Variants in PIK3C3 observed in about 807,000 individuals in gnomAD.
PIK3C3 encodes the protein phosphatidylinositol 3-kinase catalytic subunit type 3, also known as PI3-kinase type 3.
Under a neutral mutation model 126.1 loss-of-function variants are expected in PIK3C3, and 95 were observed. That is an observed-to-expected ratio of 0.75 (90% CI 0.64 to 0.89). The LOEUF is 0.89. Ranked by LOEUF, PIK3C3 falls within the 40% of genes least tolerant of loss-of-function variation. The pLI is 0.00. For missense variants in PIK3C3, 829 were observed against 1,063.2 expected (o/e 0.78, Z 3.06); for synonymous variants, 374 against 360.0 (o/e 1.04, Z -0.44).
intron 22 of PIK3C3, among the ~76,000 whole-genome samples, chr18:42,061,309 A>C (rs1369743396): frequency 6.6e-6 from 1 of 152,128 alleles, no homozygotes. Flanking sequence ...TTGGCCGGGC[A>C]GGGTGGCTCA....
At chr18:41,962,712 A>G in intron 3 of PIK3C3, 80 bp downstream of exon 3, 1 of 1,381,892 alleles carries the variant, frequency 7.2e-7, no homozygotes, top group Non-Finnish European at 9.9e-7. Flanking sequence ...GGAAGGCTTT[A>G]ATAGTTTATG....
At chr18:41,996,085 G>T in intron 8 of PIK3C3, 91 bp downstream of exon 8, 1 of 799,710 alleles carries the variant, frequency 1.3e-6, no homozygotes, top group South Asian at 1.5e-5. Context: ...AAATTATTTA[G>T]ATGCACATTT....
intron 3 of PIK3C3, among the ~76,000 whole-genome samples, chr18:41,968,129 C>T (rs574533392): frequency 1.4e-4 from 22 of 152,294 alleles, no homozygotes; most frequent in African/African-American, 5.1e-4. Flanking sequence ...CTAGATCCAT[C>T]CCAAGGCACC....
intron 18 of PIK3C3, among the ~76,000 whole-genome samples, chr18:42,039,278 CA>C (rs1453141609): frequency 6.6e-6 from 1 of 152,166 alleles, no homozygotes; most frequent in Non-Finnish European, 1.5e-5. Flanking sequence ...TACTGAGAAA[CA>C]AAATACATGC....
rs201948004 is a variant in PIK3C3, at chr18:41,987,918, T to C, written c.618+20T>C. On this transcript the variant is annotated intron_variant, in intron 5 of 24. Coordinates refer to ENST00000262039, the MANE Select transcript of PIK3C3 (RefSeq NM_002647.4). ...AATGAGGTGGGTTATATCACTCTTTTATTTTAAAATATTTTCTGTAAATTT... is the reference window on the plus strand; with the variant it reads ...AATGAGGTGGGTTATATCACTCTTTCATTTTAAAATATTTTCTGTAAATTT... 5.5e-5 allele frequency: 72 copies of C among 1,317,008 alleles called. No homozygotes were observed. Among genetic ancestry groups the C allele is most frequent in the Non-Finnish European group, 6.9e-5 (65 of 945,626 alleles). 81.6% of individuals were successfully genotyped at this position (1,317,008 alleles called of 1,614,324 possible).
chr18:42,014,765 A>G (rs755908618), intron 11 of PIK3C3, among the ~76,000 whole-genome samples: 1 of 152,038 alleles, frequency 6.6e-6, no homozygotes, highest in African/African-American at 2.4e-5. Context: ...GGATTTTTGA[A>G]TTTTTCTTTA....
chr18:42,037,769 T>TGATTTAC lies in PIK3C3; in HGVS notation c.1919_1925dup (p.Gln643PhefsTer31). 1 of 1,612,822 alleles carries TGATTTAC rather than the reference T, an allele frequency of 6.2e-7. No individual in the cohort carries two copies. Among genetic ancestry groups the TGATTTAC allele is most frequent in the Non-Finnish European group, 8.5e-7 (1 of 1,179,000 alleles). ...ATCCAGTTATATTTAAGCATGGAGA[T>TGATTTAC]GATTTACGTCAAGATCAACTTATTC... On this transcript the variant is annotated frameshift_variant, in exon 17 of 25. Transcript: ENST00000262039. LOFTEE classifies it high-confidence loss of function.
chr18:42,022,256 A>G (rs1458035838), intron 13 of PIK3C3, among the ~76,000 whole-genome samples: 2 of 152,188 alleles, frequency 1.3e-5, no homozygotes, highest in Non-Finnish European at 2.9e-5. Flanking sequence ...CATCATTAAC[A>G]TTAGGTATTT....
chr18:42,042,735 C>A (rs920534460), intron 19 of PIK3C3, among the ~76,000 whole-genome samples: 1 of 152,200 alleles, frequency 6.6e-6, no homozygotes, highest in Non-Finnish European at 1.5e-5. Flanking sequence ...TCACATTCAG[C>A]TTTACTTGAT....
intron 2 of PIK3C3, among the ~76,000 whole-genome samples, chr18:41,960,637 A>T (rs1333552004): frequency 6.6e-6 from 1 of 152,196 alleles, no homozygotes; most frequent in African/African-American, 2.4e-5. Context: ...AGGAGAACGA[A>T]GTGGTGTCCA....
At chr18:41,977,481 G>T (rs1041139751) in intron 4 of PIK3C3, among the ~76,000 whole-genome samples, 4 of 152,028 alleles carry the variant, frequency 2.6e-5, no homozygotes, top group Middle Eastern at 3.4e-3. Flanking sequence ...AGAGGAAGTG[G>T]CTATATAGAT....
At chr18:41,970,525 A>G (rs1980615190) in intron 4 of PIK3C3, 69 bp downstream of exon 4, 1 of 1,319,976 alleles carries the variant, frequency 7.6e-7, no homozygotes, top group Non-Finnish European at 1.1e-6. Context: ...ATACCTTGAC[A>G]TTATGAACTC....
At chr18:42,045,994 G>A (rs1205369388) in intron 20 of PIK3C3, among the ~76,000 whole-genome samples, 2 of 152,034 alleles carry the variant, frequency 1.3e-5, no homozygotes, top group African/African-American at 2.4e-5. Context: ...TATGTTACAG[G>A]TACATGCTTA....
intron 13 of PIK3C3, among the ~76,000 whole-genome samples, chr18:42,022,460 TG>T (rs1983371712): frequency 6.6e-6 from 1 of 152,162 alleles, no homozygotes; most frequent in Admixed American, 6.5e-5. Context: ...ACAAAGGACA[TG>T]AACTCATCCT....
chr18:42,074,954 C>A (rs1985919360), intron 24 of PIK3C3, among the ~76,000 whole-genome samples: 1 of 152,090 alleles, frequency 6.6e-6, no homozygotes, highest in African/African-American at 2.4e-5. Context: ...AGCCGTGTAG[C>A]CTTGAGTACT....
At chr18:42,027,617 G>A (rs1983630296) in intron 14 of PIK3C3, 69 bp downstream of exon 14, 5 of 786,710 alleles carry the variant, frequency 6.4e-6, no homozygotes, top group African/African-American at 1.8e-5. Context: ...GCCTGTTTAG[G>A]AACATCCCAT....
Position 42,037,754 on chromosome 18 carries a change from A to T in PIK3C3, c.1902A>T (p.Ile634=). The part of the protein sequence containing the change: ...KTEDGGKYPV[I]FKHGDDLRQD... ...AAGATGGAGGCAAATATCCAGTTAT[A>T]TTTAAGCATGGAGATGATTTACGTC... Residue 634 remains isoleucine (I), a synonymous_variant, in exon 17 of 25, where the codon ATA becomes ATT. Coordinates refer to ENST00000262039, the MANE Select transcript of PIK3C3 (RefSeq NM_002647.4). The T allele has an allele frequency of 5.6e-6, 9 of 1,612,470 alleles. No individual in the cohort carries two copies. The highest frequency in any genetic ancestry group is 7.6e-6 in the Non-Finnish European group (9 of 1,178,694).
intron 3 of PIK3C3, among the ~76,000 whole-genome samples, chr18:41,964,816 A>C (rs562729748): frequency 6.6e-6 from 1 of 152,290 alleles, no homozygotes; most frequent in East Asian, 1.9e-4. Flanking sequence ...ATCCAGGAAA[A>C]GAGTGTGTCA....
chr18:42,021,603 A>G (rs1010435660), intron 13 of PIK3C3, among the ~76,000 whole-genome samples: 1 of 152,180 alleles, frequency 6.6e-6, no homozygotes, highest in Non-Finnish European at 1.5e-5. Flanking sequence ...ACTTCTTGGC[A>G]TGAGGCTTTT....
Sources: allele counts gnomAD v4.1 joint callset (sites outside exome capture counted in the v4.1 genomes callset), GRCh38; gene constraint gnomAD v4.1.1; transcripts MANE v1.5; gene names NCBI Gene and HGNC (gene_info 2026-07-23, HGNC 2026-07-21).